CNTNAP2: variants seen among roughly 807,000 people sequenced by gnomAD.
The protein encoded by CNTNAP2 is contactin-associated protein-like 2.
Under a neutral mutation model 155.2 loss-of-function variants are expected in CNTNAP2, and 98 were observed. That is an observed-to-expected ratio of 0.63 (90% CI 0.54 to 0.75). CNTNAP2 has a LOEUF of 0.75. CNTNAP2 is among the 30% of genes least tolerant of loss of function. The pLI, the probability that CNTNAP2 is intolerant of heterozygous loss-of-function variation, is 0.00. For synonymous variants in CNTNAP2, 651 were observed against 631.2 expected (o/e 1.03, Z -0.47); for missense variants, 1,727 against 1,688.1 (o/e 1.02, Z -0.40).
chr7:148,338,987 A>G (rs187001903), intron 21 of CNTNAP2, among the ~76,000 whole-genome samples: 1 of 152,212 alleles, frequency 6.6e-6, no homozygotes, highest in Admixed American at 6.5e-5. Flanking sequence ...ATTTTTTCCC[A>G]GATCCCAGAG....
chr7:147,960,218 A>G lies in CNTNAP2; in HGVS notation c.2256-17644A>G, dbSNP rs572386034. ...TTCCTGCATGGGTGAGGGAAAAATAATAACTGGTTTTTATGGAGGGCTAGG... is the reference window on the plus strand; with the variant it reads ...TTCCTGCATGGGTGAGGGAAAAATAGTAACTGGTTTTTATGGAGGGCTAGG... On this transcript the variant is annotated intron_variant, in intron 14 of 23. Transcript: ENST00000361727. Among the ~76,000 whole-genome samples the G allele has an allele frequency of 4.6e-5, 7 of 152,254 alleles. No homozygotes were observed. In the East Asian group the frequency reaches 1.4e-3, roughly 29 times the overall value.
intron 3 of CNTNAP2, among the ~76,000 whole-genome samples, chr7:146,877,079 C>T (rs1795444001): frequency 6.6e-6 from 1 of 152,040 alleles, no homozygotes; most frequent in Admixed American, 6.6e-5. Flanking sequence ...CAGTGTCTTT[C>T]TCATTATGTG....
In CNTNAP2 at chr7:147,044,016, G is replaced by T. The variant is rs368487049; in HGVS notation, c.512G>T (p.Arg171Leu). ...IVPLDWNGEG[R>L]IGLRIEVYGC... ...CCTCTGGATTGGAATGGAGAAGGTC[G>T]CATTGGACTCAGAATTGAAGTTTAT... The change falls in exon 4 of 24, where the codon CGC (arginine) becomes CTC (leucine). Residue 171 changes from arginine (R) to leucine (L), a missense_variant. By Grantham distance (102) the Arg-to-Leu change is moderately radical. Coordinates refer to ENST00000361727, the MANE Select transcript of CNTNAP2 (RefSeq NM_014141.6). 4.1e-5 allele frequency: 66 copies of T among 1,614,016 alleles called. No homozygotes were observed. The highest frequency in any genetic ancestry group is 5.3e-5 in the African/African-American group (4 of 74,926).
At chr7:147,140,863 C>T (rs1165289326) in intron 8 of CNTNAP2, among the ~76,000 whole-genome samples, 1 of 152,222 alleles carries the variant, frequency 6.6e-6, no homozygotes, top group East Asian at 1.9e-4. Context: ...CAGGCAACTT[C>T]TCTTTTGTGC....
intron 18 of CNTNAP2, among the ~76,000 whole-genome samples, chr7:148,198,465 T>G (rs909502017): frequency 1.3e-5 from 2 of 152,192 alleles, no homozygotes; most frequent in African/African-American, 2.4e-5. Flanking sequence ...ATGGGGATTT[T>G]TCCTAATGGT....
chr7:147,958,859 G>T (rs1242893675), intron 14 of CNTNAP2, among the ~76,000 whole-genome samples: 1 of 152,060 alleles, frequency 6.6e-6, no homozygotes, highest in Non-Finnish European at 1.5e-5. Flanking sequence ...TTGTGCATAT[G>T]AATTACCTGG....
chr7:146,151,260 C>T (rs1798032902), intron 1 of CNTNAP2, among the ~76,000 whole-genome samples: 3 of 151,932 alleles, frequency 2.0e-5, no homozygotes, highest in Non-Finnish European at 4.4e-5. Flanking sequence ...CAGTTTTCAA[C>T]TATGCAATAC....
At chr7:146,670,201 T>C (rs1585034534) in intron 1 of CNTNAP2, among the ~76,000 whole-genome samples, 1 of 152,134 alleles carries the variant, frequency 6.6e-6, no homozygotes, top group South Asian at 2.1e-4. Flanking sequence ...GGTCTTTTAG[T>C]TTTCCCCAGG....
At chr7:148,017,381 T>C (rs553105050) in intron 15 of CNTNAP2, among the ~76,000 whole-genome samples, 18 of 152,306 alleles carry the variant, frequency 1.2e-4, no homozygotes, top group African/African-American at 4.3e-4. Context: ...AGAACAAAAT[T>C]ATTTGTGTTT....
chr7:147,269,461 A>G (rs1804690481), intron 8 of CNTNAP2, among the ~76,000 whole-genome samples: 1 of 152,172 alleles, frequency 6.6e-6, no homozygotes, highest in South Asian at 2.1e-4. Flanking sequence ...ATCAAGGAGA[A>G]GGAGTGACTT....
In CNTNAP2 at chr7:148,263,736, C is replaced by CAAAAA. The variant is rs112362809; in HGVS notation, c.3382-3287_3382-3283dup. Among the ~76,000 whole-genome samples, 322 of 108,224 alleles carry CAAAAA rather than the reference C, an allele frequency of 3.0e-3. 5 individuals carry two copies. The highest frequency in any genetic ancestry group is 9.4e-3 in the African/African-American group (306 of 32,484). The allele number at this position is 108,224 out of a possible 152,430, so 71.0% of individuals were successfully genotyped here. A position where few individuals can be genotyped will look rare whatever the true frequency, so the allele number is the denominator to read the frequency against. On this transcript the variant is annotated intron_variant, in intron 20 of 23. Transcript: ENST00000361727. ...TGGGCGACAGAGCGAGACTCAGTCC[C>CAAAAA]AAAAAAAAAAAAAAGAAAGAAAGAA...
chr7:146,744,216 A>G (rs1330368854), intron 1 of CNTNAP2, among the ~76,000 whole-genome samples: 2 of 129,154 alleles, frequency 1.5e-5, no homozygotes, highest in East Asian at 4.7e-4. Flanking sequence ...TGACAAAGTG[A>G]CACTCTGTCT....
At chr7:146,989,920 T>G (rs199592447) in intron 3 of CNTNAP2, among the ~76,000 whole-genome samples, 1 of 24,818 alleles carries the variant, frequency 4.0e-5, no homozygotes, top group Admixed American at 5.2e-4. Context: ...GTGCCATTGA[T>G]TTTTTTTTTT....
intron 21 of CNTNAP2, among the ~76,000 whole-genome samples, chr7:148,298,195 A>G (rs1416267779): frequency 6.6e-6 from 1 of 152,188 alleles, no homozygotes; most frequent in Admixed American, 6.5e-5. Flanking sequence ...CAACCTGCCT[A>G]TTTTAGAAGG....
intron 21 of CNTNAP2, among the ~76,000 whole-genome samples, chr7:148,314,270 G>A (rs1457073776): frequency 7.2e-5 from 11 of 152,272 alleles, no homozygotes; most frequent in South Asian, 2.1e-4. Context: ...GGGAGGGACC[G>A]ATGTGTAAAA....
At chr7:147,017,522 A>G (rs1031748681) in intron 3 of CNTNAP2, among the ~76,000 whole-genome samples, 1 of 152,056 alleles carries the variant, frequency 6.6e-6, no homozygotes, top group Non-Finnish European at 1.5e-5. Context: ...GTAAAATTTG[A>G]TTTTGTTTCA....
chr7:147,360,986 C>T (rs1796138889), intron 9 of CNTNAP2, among the ~76,000 whole-genome samples: 1 of 151,972 alleles, frequency 6.6e-6, no homozygotes, highest in Non-Finnish European at 1.5e-5. Flanking sequence ...AAAACAACAA[C>T]CAAAGGTTAT....
intron 20 of CNTNAP2, among the ~76,000 whole-genome samples, chr7:148,253,255 C>T (rs1796402205): frequency 6.6e-6 from 1 of 151,938 alleles, no homozygotes; most frequent in South Asian, 2.1e-4. Context: ...ATTTTTTTTC[C>T]AAAACACATC....
At position 146,443,230 on chromosome 7, in the gene CNTNAP2, T is replaced by TAATAAATAATAAATA. The variant is rs1554434108; in HGVS notation, c.97+326266_97+326267insTAAATAAATAAATAA. On this transcript the variant is annotated intron_variant, in intron 1 of 23. Coordinates refer to ENST00000361727, the MANE Select transcript of CNTNAP2 (RefSeq NM_014141.6). ...CTCCGTCTCTAAATAAATAAATAAA[T>TAATAAATAATAAATA]AATAAATAAATAAATAAATAAATAA... Among the ~76,000 whole-genome samples, 96 of 147,802 alleles carry TAATAAATAATAAATA rather than the reference T, an allele frequency of 6.5e-4. 1 individual carries two copies. The highest frequency in any genetic ancestry group is 2.4e-3 in the African/African-American group (96 of 39,984).
Sources: allele counts gnomAD v4.1 joint callset (sites outside exome capture counted in the v4.1 genomes callset), GRCh38; gene constraint gnomAD v4.1.1; transcripts MANE v1.5; gene names NCBI Gene and HGNC (gene_info 2026-07-23, HGNC 2026-07-21).